Variants in YLPM1 observed in about 807,000 individuals in gnomAD.
YLPM1 encodes YLP motif containing 1, also known as YLP motif-containing protein 1.
A neutral mutation model predicts 230.0 loss-of-function variants in YLPM1; 99 were observed. The ratio of observed to expected loss-of-function variants is 0.43; its 90% CI spans 0.37 to 0.51. YLPM1 has a LOEUF of 0.51. YLPM1 is among the 20% of genes least tolerant of loss of function. The pLI, the probability that YLPM1 is intolerant of heterozygous loss-of-function variation, is 0.00. For synonymous variants in YLPM1, 984 were observed against 942.5 expected (o/e 1.04, Z -0.81); for missense variants, 2,592 against 2,707.7 (o/e 0.96, Z 0.95).
intron 4 of YLPM1, among the ~76,000 whole-genome samples, chr14:74,783,247 T>C (rs2091113499): frequency 6.6e-6 from 1 of 152,036 alleles, no homozygotes; most frequent in Non-Finnish European, 1.5e-5. Flanking sequence ...AAAAAATACT[T>C]CGTAGAGATG....
intron 1 of YLPM1, among the ~76,000 whole-genome samples, chr14:74,774,896 C>T (rs370763543): frequency 1.3e-5 from 2 of 152,066 alleles, no homozygotes; most frequent in East Asian, 1.9e-4. Context: ...GCCTAGGGCT[C>T]GCTGCTGCTG....
intron 4 of YLPM1, among the ~76,000 whole-genome samples, chr14:74,788,378 T>C (rs4899535): frequency 0.7 from 106,107 of 152,070 alleles, 37,168 homozygotes; most frequent in East Asian, 0.78. Context: ...CCTCGGCCTC[T>C]CAAAGTGCTG....
intron 11 of YLPM1, 135 bp downstream of exon 11, chr14:74,812,917 A>G (rs2091447750): frequency 8.5e-7 from 1 of 1,171,850 alleles, no homozygotes; most frequent in African/African-American, 1.6e-5. Context: ...CTATCTCTAA[A>G]TCACCATATA....
chr14:74,829,107 G>A, intron 18 of YLPM1, 106 bp from the exon 19 acceptor site: 7 of 1,352,592 alleles, frequency 5.2e-6, no homozygotes, highest in Non-Finnish European at 7.1e-6. Context: ...ACTCAAAAAT[G>A]TGGATATGCC....
intron 18 of YLPM1, among the ~76,000 whole-genome samples, chr14:74,825,098 G>T (rs1246215233): frequency 6.6e-6 from 1 of 152,132 alleles, no homozygotes; most frequent in African/African-American, 2.4e-5. Flanking sequence ...ACTGATGTAT[G>T]AAGTATGACT....
chr14:74,809,426 G>T lies in YLPM1; in HGVS notation c.4568G>T (p.Gly1523Val), dbSNP rs200398469. ...RPPPPMGKPP[G>V]SIVRPSAPPA... The stretch of plus-strand genomic sequence containing the variant: ...CCCCCTCCTATGGGCAAACCACCAG[G>T]TTCAATTGTAAGACCCTCTGCTCCA... Residue 1523 changes from glycine (G) to valine (V), a missense_variant, in exon 7 of 21, where the codon GGT (glycine) becomes GTT (valine). Around this residue, in one of 4 missense-constraint regions of YLPM1, gnomAD observed 403 missense variants for 426.7 expected, o/e 0.94. Transcript: ENST00000325680. The T allele has an allele frequency of 2.5e-6, 4 of 1,607,906 alleles. No individual in the cohort carries two copies. In the African/African-American group the frequency reaches 5.3e-5, roughly 21 times the overall value.
Position 74,798,054 on chromosome 14 carries a change from A to G in YLPM1, c.2757A>G (p.Val919=). The G allele has an allele frequency of 1.9e-6, 3 of 1,613,896 alleles. No individual in the cohort carries two copies. The highest frequency in any genetic ancestry group is 2.5e-6 in the Non-Finnish European group (3 of 1,179,814). ...PPKSEVSEGP[V]EPSNWDQNVQ... ...AAAGTGAAGTCTCGGAAGGGCCCGT[A>G]GAGCCCTCTAATTGGGACCAGAATG... The change falls in exon 5 of 21, where the codon GTA becomes GTG. Residue 919 remains valine, a synonymous_variant. Transcript: ENST00000325680.
In YLPM1 at chr14:74,800,712, A is replaced by G. The variant is rs184372066; in HGVS notation, c.4400+1015A>G. Among the ~76,000 whole-genome samples the G allele has an allele frequency of 3.2e-3, 489 of 152,356 alleles. 2 individuals carry two copies. The highest frequency in any genetic ancestry group is 5.5e-3 in the Non-Finnish European group (374 of 68,028). ...CAGATACGGCAGGTTTGTATGGTCT[A>G]TAGCTAAGAGGTTTATTTTTTCCAG... is the stretch of plus-strand genomic sequence containing the variant. On this transcript the variant is annotated intron_variant, in intron 5 of 20. Transcript: ENST00000325680.
Position 74,817,057 on chromosome 14 carries a change from G to A in YLPM1, c.5812G>A (p.Val1938Ile), listed in dbSNP as rs781084088. Reference protein sequence around the residue: ...FIILDAINDRVRHFDQFWSAA... With the variant: ...FIILDAINDRIRHFDQFWSAA... ...CATCCTGGATGCCATCAATGACAGA[G>A]TTAGGCATTTTGACCAGTTTTGGAG... The change falls in exon 14 of 21, where the codon GTT (valine) becomes ATT (isoleucine). Residue 1938 changes from valine to isoleucine, a missense_variant. Physicochemically the swap from Val to Ile is conservative, Grantham distance 29 (BLOSUM62 3). Around this residue, in one of 4 missense-constraint regions of YLPM1, gnomAD observed 315 missense variants for 429.3 expected, o/e 0.73. Transcript: ENST00000325680. 23 of 1,610,876 alleles carry A rather than the reference G, an allele frequency of 1.4e-5. No homozygotes were observed. Among genetic ancestry groups the A allele is most frequent in the South Asian group, 2.2e-5 (2 of 90,198 alleles).
chr14:74,803,698 C>T (rs556216351), intron 6 of YLPM1, among the ~76,000 whole-genome samples: 1 of 152,184 alleles, frequency 6.6e-6, no homozygotes, highest in Non-Finnish European at 1.5e-5. Context: ...ATCACCTAGT[C>T]ACCCTAACTT....
chr14:74,832,355 G>C (rs1274527842), intron 19 of YLPM1, among the ~76,000 whole-genome samples: 1 of 152,096 alleles, frequency 6.6e-6, no homozygotes, highest in African/African-American at 2.4e-5. Context: ...GACATCCAGT[G>C]GAGGAATTCA....
At position 74,802,618 on chromosome 14, in the gene YLPM1, A is replaced by G. The variant is rs374052087; in HGVS notation, c.4463A>G (p.His1488Arg). The change falls in exon 6 of 21, where the codon CAT becomes CGT. Residue 1488 changes from histidine (H) to arginine (R), a missense_variant. Coordinates refer to ENST00000325680, the MANE Select transcript of YLPM1 (RefSeq NM_019589.3). ...DFGSEPQMAD[H>R]LPPQESRLQN... is the part of the protein sequence containing the mutation. ...GGGTCTGAGCCACAGATGGCTGACC[A>G]TCTACCACCTCAGGAATCAAGATTG... is the stretch of plus-strand genomic sequence containing the variant. 3.1e-6 allele frequency: 5 copies of G among 1,613,532 alleles called. No individual in the cohort carries two copies. In the African/African-American group the frequency reaches 4.0e-5, roughly 13 times the overall value.
chr14:74,796,228 T>G (rs1294796720), intron 4 of YLPM1, among the ~76,000 whole-genome samples: 1 of 152,232 alleles, frequency 6.6e-6, no homozygotes, highest in African/African-American at 2.4e-5. Flanking sequence ...CTTACTTCTT[T>G]ACCTTATTTT....
At chr14:74,787,077 A>G (rs1175042998) in intron 4 of YLPM1, among the ~76,000 whole-genome samples, 2 of 151,978 alleles carry the variant, frequency 1.3e-5, no homozygotes, top group Non-Finnish European at 2.9e-5. Context: ...TTTTTATTTG[A>G]TTATTGTTAA....
At chr14:74,806,335 T>G (rs971802179) in intron 6 of YLPM1, among the ~76,000 whole-genome samples, 4 of 151,512 alleles carry the variant, frequency 2.6e-5, no homozygotes, top group African/African-American at 4.9e-5. Context: ...CCAGCCTGGG[T>G]GACAGATCAA....
At position 74,799,287 on chromosome 14, in the gene YLPM1, T is replaced by C. The variant is rs2091299837; in HGVS notation, c.3990T>C (p.Ser1330=). ...ESQFRERDIP[S]LPPLPPLPPL... is the part of the protein sequence containing the mutation. ...AGTTTCGTGAACGGGATATTCCATC[T>C]CTTCCACCTTTACCGCCCCTCCCAC... The change falls in exon 5 of 21, where the codon TCT becomes TCC. Residue 1330 remains serine (S), a synonymous_variant. Transcript: ENST00000325680. 1 of 1,613,914 alleles carries C rather than the reference T, an allele frequency of 6.2e-7. No individual in the cohort carries two copies. The highest frequency in any genetic ancestry group is 1.3e-5 in the African/African-American group (1 of 74,924).
At chr14:74,771,572 C>G (rs1223680476) in intron 1 of YLPM1, among the ~76,000 whole-genome samples, 1 of 152,136 alleles carries the variant, frequency 6.6e-6, no homozygotes, top group Non-Finnish European at 1.5e-5. Flanking sequence ...CGTCAAGGAA[C>G]AGACTCTAGG....
At chr14:74,819,046 G>A (rs1166042208) in intron 16 of YLPM1, among the ~76,000 whole-genome samples, 1 of 152,134 alleles carries the variant, frequency 6.6e-6, no homozygotes, top group African/African-American at 2.4e-5. Context: ...TTTAAGCACT[G>A]ATTACTTGGT....
intron 4 of YLPM1, among the ~76,000 whole-genome samples, chr14:74,794,725 TAAGG>T (rs752734359): frequency 1.3e-4 from 19 of 151,998 alleles, no homozygotes; most frequent in Non-Finnish European, 2.4e-4. Context: ...TGTTAGATAA[TAAGG>T]AAGAAAACTA....
Sources: gnomAD v4.1 joint callset for allele counts (sites outside exome capture counted in the v4.1 genomes callset) on GRCh38, gnomAD v4.1.1 for gene constraint, gnomAD v4.1.1 regional missense constraint, MANE v1.5 for transcripts, NCBI Gene and HGNC (gene_info 2026-07-23, HGNC 2026-07-21) for gene names.